PLCB4: variants seen among roughly 807,000 people sequenced by gnomAD.
The protein encoded by PLCB4 is phospholipase C beta 4.
A neutral mutation model predicts 178.8 loss-of-function variants in PLCB4; 77 were observed. The observed-to-expected ratio is 0.43, with a 90% confidence interval of 0.36 to 0.52. The LOEUF is 0.52. PLCB4 is among the 20% of genes least tolerant of loss of function. The pLI is 0.00. For missense variants in PLCB4, 1,024 were observed against 1,453.4 expected (o/e 0.70, Z 4.80); for synonymous variants, 496 against 490.8 (o/e 1.01, Z -0.14).
rs115261633 is a variant in PLCB4, at chr20:9,453,820, A to G, written c.2996+358A>G. Among the ~76,000 whole-genome samples, 1,434 of 152,312 alleles carry G rather than the reference A, an allele frequency of 9.4e-3. 18 individuals are homozygous for G. The highest frequency in any genetic ancestry group is 0.033 in the African/African-American group (1,360 of 41,560). ...TTGATTTTGAACTAATTTTAAATTT[A>G]CAGAAAAGTTTCCAAAATACTACAG... is the stretch of plus-strand genomic sequence containing the variant. On this transcript the variant is annotated intron_variant, in intron 33 of 39. Coordinates refer to ENST00000378473, the MANE Select transcript of PLCB4 (RefSeq NM_001377142.1).
At chr20:9,395,678 A>G (rs1044390604) in intron 19 of PLCB4, 60 bp downstream of exon 19, 42 of 1,263,464 alleles carry the variant, frequency 3.3e-5, no homozygotes, top group Non-Finnish European at 4.5e-5. Flanking sequence ...AAATAAGAAA[A>G]CCAGGCTGGG....
chr20:9,142,786 A>G (rs2092519667), intron 2 of PLCB4, among the ~76,000 whole-genome samples: 1 of 152,124 alleles, frequency 6.6e-6, no homozygotes. Flanking sequence ...AGCCCAAATG[A>G]TGCTCTGAAA....
chr20:9,328,879 A>G (rs1024719262), intron 4 of PLCB4, among the ~76,000 whole-genome samples: 1 of 152,238 alleles, frequency 6.6e-6, no homozygotes, highest in East Asian at 1.9e-4. Flanking sequence ...AGCTCTCTGC[A>G]CAGAAAGGGC....
chr20:9,458,461 A>C (rs907384845), intron 34 of PLCB4, among the ~76,000 whole-genome samples: 2 of 152,220 alleles, frequency 1.3e-5, no homozygotes, highest in Non-Finnish European at 2.9e-5. Context: ...AACTGTGTCA[A>C]AGAAGAGCAC....
chr20:9,352,969 A>G (rs6086852), intron 7 of PLCB4, among the ~76,000 whole-genome samples: 7,616 of 152,112 alleles, frequency 0.05, 265 homozygotes, highest in Non-Finnish European at 0.076. Context: ...ACTTTCATCA[A>G]TTTTACTCTG....
At chr20:9,196,867 A>T (rs2093478544) in intron 2 of PLCB4, among the ~76,000 whole-genome samples, 1 of 152,216 alleles carries the variant, frequency 6.6e-6, no homozygotes. Flanking sequence ...ATTAGATTTC[A>T]AGATGAGAGC....
chr20:9,224,230 C>T (rs944091296), intron 3 of PLCB4, among the ~76,000 whole-genome samples: 1 of 152,174 alleles, frequency 6.6e-6, no homozygotes, highest in African/African-American at 2.4e-5. Flanking sequence ...CCATCTTGCT[C>T]TCTTGAGCTG....
chr20:9,105,029 C>A (rs1210009023), intron 2 of PLCB4, among the ~76,000 whole-genome samples: 3 of 151,798 alleles, frequency 2.0e-5, no homozygotes, highest in African/African-American at 4.8e-5. Context: ...ATATATGTAA[C>A]AAGTGCTTGA....
At chr20:9,381,062 A>C (rs1033761735) in intron 13 of PLCB4, among the ~76,000 whole-genome samples, 2 of 152,090 alleles carry the variant, frequency 1.3e-5, no homozygotes, top group Admixed American at 1.3e-4. Flanking sequence ...TTCCAAGCCC[A>C]ATAGTTTTCC....
At chr20:9,096,040 T>G (rs925027906) in intron 1 of PLCB4, among the ~76,000 whole-genome samples, 3 of 152,326 alleles carry the variant, frequency 2.0e-5, no homozygotes, top group Non-Finnish European at 4.4e-5. Flanking sequence ...TTTCATTTAC[T>G]TTTATCCATT....
At chr20:9,199,325 C>T (rs142615180) in intron 2 of PLCB4, among the ~76,000 whole-genome samples, 59 of 152,296 alleles carry the variant, frequency 3.9e-4, no homozygotes, top group African/African-American at 1.4e-3. Flanking sequence ...CTACCCTCCC[C>T]ATCCCAACAG....
intron 32 of PLCB4, among the ~76,000 whole-genome samples, chr20:9,445,882 T>C (rs1356585161): frequency 6.6e-6 from 1 of 152,268 alleles, no homozygotes; most frequent in Non-Finnish European, 1.5e-5. Context: ...GCCCGTATGC[T>C]GCAGCACTAT....
At chr20:9,454,249 TG>T (rs1163401398) in intron 33 of PLCB4, among the ~76,000 whole-genome samples, 2 of 152,110 alleles carry the variant, frequency 1.3e-5, no homozygotes, top group Non-Finnish European at 2.9e-5. Flanking sequence ...ATTGGGGGGA[TG>T]GGGGTGTGAC....
intron 1 of PLCB4, among the ~76,000 whole-genome samples, chr20:9,085,071 AT>A (rs921707395): frequency 2.3e-5 from 3 of 128,116 alleles, no homozygotes; most frequent in Non-Finnish European, 3.5e-5. Context: ...AAAAAAAAGA[AT>A]ATATTACTTT....
chr20:9,465,621 G>A (rs2043719538), intron 35 of PLCB4, among the ~76,000 whole-genome samples: 1 of 152,140 alleles, frequency 6.6e-6, no homozygotes, highest in Non-Finnish European at 1.5e-5. Flanking sequence ...AAAATCACAA[G>A]CGTTCCTATA....
At chr20:9,142,812 G>A (rs555994249) in intron 2 of PLCB4, among the ~76,000 whole-genome samples, 10 of 152,172 alleles carry the variant, frequency 6.6e-5, no homozygotes, top group African/African-American at 9.6e-5. Flanking sequence ...ATCAGATCAC[G>A]TTGCCCTGCT....
intron 28 of PLCB4, among the ~76,000 whole-genome samples, chr20:9,427,337 G>A (rs2041089237): frequency 1.3e-5 from 2 of 151,256 alleles, no homozygotes; most frequent in South Asian, 2.1e-4. Context: ...CAGCCCAGAT[G>A]CAAAATGTCC....
intron 2 of PLCB4, among the ~76,000 whole-genome samples, chr20:9,112,533 T>C (rs1381016577): frequency 6.6e-6 from 1 of 152,052 alleles, no homozygotes; most frequent in Non-Finnish European, 1.5e-5. Context: ...GGATTACAGG[T>C]ATGAGCCACT....
At chr20:9,173,255 G>C (rs1363833260) in intron 2 of PLCB4, among the ~76,000 whole-genome samples, 1 of 152,172 alleles carries the variant, frequency 6.6e-6, no homozygotes, top group Non-Finnish European at 1.5e-5. Flanking sequence ...AAAATAAAGA[G>C]CAGTAGTCAA....
Sources: gnomAD v4.1 joint callset for allele counts (sites outside exome capture counted in the v4.1 genomes callset) on GRCh38, gnomAD v4.1.1 for gene constraint, MANE v1.5 for transcripts, NCBI Gene and HGNC (gene_info 2026-07-23, HGNC 2026-07-21) for gene names.